IL1R1: variants seen among roughly 807,000 people sequenced by gnomAD.
IL1R1 encodes interleukin-1 receptor type 1.
In IL1R1, 22 loss-of-function variants were observed where a neutral mutation model predicts 50.2. The ratio of observed to expected loss-of-function variants is 0.44; its 90% CI spans 0.31 to 0.63. The LOEUF is 0.63. IL1R1 is among the 20% of genes least tolerant of loss of function. The pLI is 0.07. For missense variants in IL1R1, 509 were observed against 676.2 expected (o/e 0.75, Z 2.74); for synonymous variants, 251 against 236.7 (o/e 1.06, Z -0.55).
In IL1R1 at chr2:102,167,684, G is replaced by A. The variant is rs972034923; in HGVS notation, c.656-914G>A. Among the ~76,000 whole-genome samples the A allele has an allele frequency of 5.5e-4, 83 of 152,052 alleles. 1 individual carries two copies. The highest frequency in any genetic ancestry group is 1.9e-3 in the African/African-American group (79 of 41,474). On this transcript the variant is annotated intron_variant, in intron 6 of 11. Transcript: ENST00000410023. ...AGGATGGTCTCGATCTCCTGACCTC[G>A]TGATCCGCCCACCTCTGCCTCCTTA...
intron 4 of IL1R1, 34 bp downstream of exon 4, chr2:102,165,042 C>G (rs182067705): frequency 1.3e-6 from 2 of 1,581,742 alleles, no homozygotes; most frequent in Non-Finnish European, 1.7e-6. Context: ...CAAACATGTT[C>G]TAGTTTCCTG....
rs201194059 is a variant in IL1R1 at position 102,176,358 on chromosome 2, G to A, written c.1309G>A (p.Val437Ile). The A allele has an allele frequency of 3.7e-6, 6 of 1,613,312 alleles. No individual in the cohort carries two copies. The highest frequency in any genetic ancestry group is 5.1e-6 in the Non-Finnish European group (6 of 1,179,670). ...TTGTGCTTCCTGTTTTTCAGACATT[G>A]TTGAGGTCATTAATGAAAACGTAAA... is the stretch of plus-strand genomic sequence containing the variant. Reference protein sequence around the residue: ...GRDDYVGEDIVEVINENVKKS... With the variant: ...GRDDYVGEDIIEVINENVKKS... Residue 437 changes from valine (V) to isoleucine (I), a missense_variant, in exon 12 of 12, where the codon GTT (valine) becomes ATT (isoleucine). Val to Ile is a conservative substitution (Grantham distance 29). Transcript: ENST00000410023.
intron 7 of IL1R1, among the ~76,000 whole-genome samples, chr2:102,170,886 C>A (rs1685609568): frequency 6.6e-6 from 1 of 152,126 alleles, no homozygotes; most frequent in South Asian, 2.1e-4. Flanking sequence ...GATGTTGAAA[C>A]ACCATCTCTA....
At chr2:102,172,177 C>G in intron 8 of IL1R1, 1 of 715,684 alleles carries the variant, frequency 1.4e-6, no homozygotes, top group Non-Finnish European at 1.7e-6. Flanking sequence ...TGCAACATTT[C>G]AACGAAGCAA....
chr2:102,169,179 G>A (rs1472261313), intron 7 of IL1R1, among the ~76,000 whole-genome samples: 2 of 152,132 alleles, frequency 1.3e-5, no homozygotes, highest in Non-Finnish European at 2.9e-5. Context: ...CTCATGACCA[G>A]ATCCAAGCTT....
chr2:102,131,874 G>A (rs1013397459), intron 1 of IL1R1, among the ~76,000 whole-genome samples: 2 of 150,938 alleles, frequency 1.3e-5, no homozygotes, highest in African/African-American at 4.9e-5. Flanking sequence ...AGAAACTTGA[G>A]GACAAACACA....
intron 1 of IL1R1, among the ~76,000 whole-genome samples, chr2:102,127,651 G>T (rs1461766197): frequency 3.3e-5 from 4 of 121,458 alleles, no homozygotes; most frequent in African/African-American, 1.1e-4. Context: ...AGATGTGTGT[G>T]TGTGACTGTG....
intron 3 of IL1R1, among the ~76,000 whole-genome samples, chr2:102,164,159 G>A (rs1684965219): frequency 6.6e-6 from 1 of 152,034 alleles, no homozygotes. Flanking sequence ...GAAAACTTGG[G>A]GGAGACTCTC....
At chr2:102,143,793 C>G (rs1047491186) in intron 1 of IL1R1, among the ~76,000 whole-genome samples, 3 of 152,228 alleles carry the variant, frequency 2.0e-5, no homozygotes, top group African/African-American at 7.2e-5. Flanking sequence ...GATGCTGGCT[C>G]CTGCTGGGCT....
At chr2:102,141,562 A>T (rs1381113143), upstream of IL1R1, among the ~76,000 whole-genome samples, 3 of 152,208 alleles carry the variant, frequency 2.0e-5, no homozygotes, top group Non-Finnish European at 2.9e-5. Flanking sequence ...TTTAGGGCAG[A>T]TGAGCTTCTG....
In IL1R1 at chr2:102,166,204, A is replaced by G; in HGVS notation, c.578A>G (p.Asn193Ser). 1 of 1,612,974 alleles carries G rather than the reference A, an allele frequency of 6.2e-7. No homozygotes were observed. Among genetic ancestry groups the G allele is most frequent in the Non-Finnish European group, 8.5e-7 (1 of 1,179,048 alleles). ...VMNVAEKHRG[N>S]YTCHASYTYL... is the part of the protein sequence containing the mutation. ...AATGTGGCTGAAAAGCATAGAGGGA[A>G]CTATACTTGTCATGCATCCTACACA... The change falls in exon 6 of 12, where the codon AAC becomes AGC. Residue 193 changes from asparagine (N) to serine (S), a missense_variant. Physicochemically the swap from Asn to Ser is conservative, Grantham distance 46. Transcript: ENST00000410023.
chr2:102,135,235 A>G (rs1290182397), intron 1 of IL1R1, among the ~76,000 whole-genome samples: 1 of 151,980 alleles, frequency 6.6e-6, no homozygotes, highest in Admixed American at 6.6e-5. Context: ...GCTGGATATC[A>G]CTGTGGGGGC....
upstream of IL1R1, among the ~76,000 whole-genome samples, chr2:102,138,820 A>G (rs536432428): frequency 6.6e-6 from 1 of 152,324 alleles, no homozygotes; most frequent in East Asian, 1.9e-4. Context: ...AAATAACAAA[A>G]ATATGTGTAG....
At chr2:102,121,008 C>T (rs1372680330) in intron 1 of IL1R1, among the ~76,000 whole-genome samples, 1 of 152,188 alleles carries the variant, frequency 6.6e-6, no homozygotes, top group Admixed American at 6.5e-5. Context: ...CTTGGGGACT[C>T]TTCCTCTTGC....
chr2:102,172,912 C>A, intron 9 of IL1R1, 74 bp downstream of exon 9: 1 of 1,042,106 alleles, frequency 9.6e-7, no homozygotes, highest in Non-Finnish European at 1.4e-6. Context: ...GTTTGAAATG[C>A]CATTTCCTCT....
At chr2:102,097,969 A>G (rs1193750167) in intron 1 of IL1R1, among the ~76,000 whole-genome samples, 2 of 152,076 alleles carry the variant, frequency 1.3e-5, no homozygotes, top group Non-Finnish European at 1.5e-5. Context: ...ATCCCAGTAT[A>G]AGAAAATAAA....
At chr2:102,109,722 A>T (rs1680636131) in intron 1 of IL1R1, among the ~76,000 whole-genome samples, 1 of 152,154 alleles carries the variant, frequency 6.6e-6, no homozygotes, top group South Asian at 2.1e-4. Context: ...AGGACCATCC[A>T]ATTTATCACA....
At chr2:102,156,789 A>G (rs1039383709) in intron 2 of IL1R1, among the ~76,000 whole-genome samples, 3 of 152,232 alleles carry the variant, frequency 2.0e-5, no homozygotes, top group South Asian at 4.1e-4. Context: ...CTGGGATTAC[A>G]GGGGTAAACC....
chr2:102,126,522 TG>T (rs1309416438), intron 1 of IL1R1, among the ~76,000 whole-genome samples: 1 of 152,182 alleles, frequency 6.6e-6, no homozygotes, highest in Non-Finnish European at 1.5e-5. Context: ...TGTGTTTATA[TG>T]ACAAACAGAG....
Sources: gnomAD v4.1 joint callset for allele counts (sites outside exome capture counted in the v4.1 genomes callset) on GRCh38, gnomAD v4.1.1 for gene constraint, MANE v1.5 for transcripts, NCBI Gene and HGNC (gene_info 2026-07-23, HGNC 2026-07-21) for gene names.